The following CLDN20 variants were observed in gnomAD, a reference collection of about 807,000 sequenced individuals.
The protein encoded by CLDN20 is claudin-20.
For synonymous variants in CLDN20, 104 were observed against 103.6 expected (o/e 1.00, Z -0.03); for missense variants, 258 against 267.9 (o/e 0.96, Z 0.26).
chr6:155,272,849 T>C (rs1307417879), intron 1 of CLDN20, among the ~76,000 whole-genome samples: 4 of 152,188 alleles, frequency 2.6e-5, no homozygotes, highest in Non-Finnish European at 5.9e-5. Flanking sequence ...TTAATCATGA[T>C]GAACAAACTG....
At chr6:155,268,924 G>A (rs1387674016) in intron 1 of CLDN20, among the ~76,000 whole-genome samples, 2 of 86,968 alleles carry the variant, frequency 2.3e-5, no homozygotes, top group Admixed American at 3.1e-4. Flanking sequence ...CCCTCTGCGA[G>A]AAACACCCAA....
In CLDN20 at chr6:155,276,315, A is replaced by T; in HGVS notation, c.596A>T (p.Gln199Leu). The T allele has an allele frequency of 6.2e-7, 1 of 1,613,884 alleles. No individual in the cohort carries two copies. Among genetic ancestry groups the T allele is most frequent in the Non-Finnish European group, 8.5e-7 (1 of 1,180,032 alleles). ...NPEARLDPPTQQPISNTQLEN... is the reference protein window; with the variant it reads ...NPEARLDPPTLQPISNTQLEN... Reference sequence around the variant, plus strand: ...GAAGCTAGACTCGACCCACCCACACAGCAGCCTATCTCTAACACACAGCTC... The same window carrying T: ...GAAGCTAGACTCGACCCACCCACACTGCAGCCTATCTCTAACACACAGCTC... The change falls in exon 2 of 2, where the codon CAG becomes CTG. Residue 199 changes from glutamine (Q) to leucine (L), a missense_variant. By Grantham distance (113) the Gln-to-Leu change is moderately radical (BLOSUM62 -2). Transcript: ENST00000367165.
intron 1 of CLDN20, among the ~76,000 whole-genome samples, chr6:155,271,442 A>G (rs891049934): frequency 1.3e-5 from 2 of 152,232 alleles, no homozygotes; most frequent in Non-Finnish European, 2.9e-5. Context: ...AAGTGGAAGC[A>G]ATAACAAGAA....
chr6:155,268,000 G>T lies in CLDN20; in HGVS notation c.-105+3712G>T, dbSNP rs989944093. 2.0e-5 allele frequency among the ~76,000 whole-genome samples: 3 copies of T among 152,054 alleles called. No homozygotes were observed. In the East Asian group the frequency reaches 5.8e-4, roughly 29 times the overall value. ...AGCCCAAAGCCCCTTCTACAAATTT[G>T]TTTTCAAAATGTAGACAGGAAATTT... On this transcript the variant is annotated intron_variant, in intron 1 of 1. Transcript: ENST00000367165.
At chr6:155,266,941 G>C (rs1425651861) in intron 1 of CLDN20, among the ~76,000 whole-genome samples, 1 of 150,864 alleles carries the variant, frequency 6.6e-6, no homozygotes, top group Non-Finnish European at 1.5e-5. Flanking sequence ...GGTGGGAGAG[G>C]GGAAGAGAAC....
In CLDN20 at chr6:155,275,978, G is replaced by A. The variant is rs1475407447; in HGVS notation, c.259G>A (p.Ala87Thr). The A allele has an allele frequency of 6.2e-7, 1 of 1,614,072 alleles. No individual in the cohort carries two copies. The highest frequency in any genetic ancestry group is 1.7e-5 in the Admixed American group (1 of 60,000). ...VQAARATMVL[A>T]CVLSALGICT... ...GGCTGCGAGAGCCACCATGGTCCTG[G>A]CGTGTGTTCTGTCTGCTTTGGGGAT... Residue 87 changes from alanine to threonine, a missense_variant, in exon 2 of 2, where the codon GCG becomes ACG. Coordinates refer to ENST00000367165, the MANE Select transcript of CLDN20 (RefSeq NM_001001346.3).
At chr6:155,265,495 G>A (rs906446642) in intron 1 of CLDN20, among the ~76,000 whole-genome samples, 11 of 97,818 alleles carry the variant, frequency 1.1e-4, no homozygotes, top group African/African-American at 4.6e-4. Flanking sequence ...AATTTCCTAA[G>A]GCTGGGACAG....
At position 155,276,322 on chromosome 6, in the gene CLDN20, T is replaced by C; in HGVS notation, c.603T>C (p.Pro201=). The C allele has an allele frequency of 1.9e-6, 3 of 1,613,792 alleles. No homozygotes were observed. The highest frequency in any genetic ancestry group is 2.5e-6 in the Non-Finnish European group (3 of 1,180,018). The change falls in exon 2 of 2, where the codon CCT becomes CCC. Residue 201 remains proline, a synonymous_variant. Coordinates refer to ENST00000367165, the MANE Select transcript of CLDN20 (RefSeq NM_001001346.3). The part of the protein sequence containing the change: ...EARLDPPTQQ[P]ISNTQLENNS... ...GACTCGACCCACCCACACAGCAGCC[T>C]ATCTCTAACACACAGCTCGAGAACA...
chr6:155,275,009 G>GAGATC (rs1442306807), intron 1 of CLDN20, among the ~76,000 whole-genome samples: 4 of 151,952 alleles, frequency 2.6e-5, no homozygotes, highest in African/African-American at 9.7e-5. Flanking sequence ...ACGAGGTCAG[G>GAGATC]AGATCGAGAC....
intron 1 of CLDN20, among the ~76,000 whole-genome samples, chr6:155,273,549 G>A (rs1280689424): frequency 6.6e-6 from 1 of 152,188 alleles, no homozygotes; most frequent in Non-Finnish European, 1.5e-5. Context: ...ATCCTCTACA[G>A]TCCTTTTTTT....
At chr6:155,266,555 G>A (rs1784640275) in intron 1 of CLDN20, among the ~76,000 whole-genome samples, 1 of 152,108 alleles carries the variant, frequency 6.6e-6, no homozygotes, top group Non-Finnish European at 1.5e-5. Context: ...AGTTAAGAAT[G>A]ACCAAATGAG....
In CLDN20 at chr6:155,276,066, A is replaced by G; in HGVS notation, c.347A>G (p.His116Arg). The change falls in exon 2 of 2, where the codon CAT becomes CGT. Residue 116 changes from histidine to arginine, a missense_variant. Transcript: ENST00000367165. ...RLGGDRETKS[H>R]ASFAGGVCFM... is the part of the protein sequence containing the mutation. ...GGAGGGGACAGAGAAACCAAGAGCCATGCTTCCTTTGCTGGAGGAGTCTGT... is the reference window on the plus strand; with the variant it reads ...GGAGGGGACAGAGAAACCAAGAGCCGTGCTTCCTTTGCTGGAGGAGTCTGT... 6.2e-7 allele frequency: 1 copy of G among 1,614,196 alleles called. No homozygotes were observed. The highest frequency in any genetic ancestry group is 8.5e-7 in the Non-Finnish European group (1 of 1,180,036).
In CLDN20 at chr6:155,276,432, T is replaced by C. The variant is rs995616335; in HGVS notation, c.*53T>C. On this transcript the variant is annotated 3_prime_UTR_variant, in exon 2 of 2. Transcript: ENST00000367165. ...ACTTTTGGGTGCCAAATGGGACTTT[T>C]AGATTAAAAAAAAATCAGAATTATG... 93 of 1,476,052 alleles carry C rather than the reference T, an allele frequency of 6.3e-5. No individual in the cohort carries two copies. Among genetic ancestry groups the C allele is most frequent in the Non-Finnish European group, 8.2e-5 (89 of 1,089,546 alleles). The allele number at this position is 1,476,052 out of a possible 1,614,324, so 91.4% of individuals were successfully genotyped here. A position where few individuals can be genotyped will look rare whatever the true frequency, so the allele number is the denominator to read the frequency against.
intron 1 of CLDN20, among the ~76,000 whole-genome samples, chr6:155,267,874 A>C (rs1462972416): frequency 6.6e-6 from 1 of 152,244 alleles, no homozygotes; most frequent in Admixed American, 6.5e-5. Context: ...TTGCAGAACT[A>C]ACCTTGAACA....
At chr6:155,266,139 T>C (rs1784623358) in intron 1 of CLDN20, among the ~76,000 whole-genome samples, 1 of 152,170 alleles carries the variant, frequency 6.6e-6, no homozygotes. Flanking sequence ...GGATCAATAC[T>C]TTGTATCCTT....
At chr6:155,272,018 A>G (rs1784942445) in intron 1 of CLDN20, among the ~76,000 whole-genome samples, 1 of 152,210 alleles carries the variant, frequency 6.6e-6, no homozygotes, top group Non-Finnish European at 1.5e-5. Context: ...TTTACCTCTC[A>G]GATTTCTACG....
chr6:155,269,589 T>C (rs1176482987), intron 1 of CLDN20, among the ~76,000 whole-genome samples: 1 of 152,280 alleles, frequency 6.6e-6, no homozygotes, highest in African/African-American at 2.4e-5. Context: ...CCCAAAGTGT[T>C]GGGATTACAG....
chr6:155,269,905 C>T (rs1290324045), intron 1 of CLDN20, among the ~76,000 whole-genome samples: 1 of 152,196 alleles, frequency 6.6e-6, no homozygotes, highest in African/African-American at 2.4e-5. Context: ...TGTATCCCTA[C>T]TATGTGCCAG....
At chr6:155,268,112 T>C (rs1195634417) in intron 1 of CLDN20, among the ~76,000 whole-genome samples, 1 of 152,246 alleles carries the variant, frequency 6.6e-6, no homozygotes, top group Admixed American at 6.5e-5. Context: ...CCCTTTATCT[T>C]GAATCCATTT....
Sources: gnomAD v4.1 joint callset for allele counts (sites outside exome capture counted in the v4.1 genomes callset) on GRCh38, gnomAD v4.1.1 for gene constraint, MANE v1.5 for transcripts, NCBI Gene and HGNC (gene_info 2026-07-23, HGNC 2026-07-21) for gene names.